The following HNRNPH3 variants were observed in gnomAD, a reference collection of about 807,000 sequenced individuals.
HNRNPH3 encodes heterogeneous nuclear ribonucleoprotein 2H9.
In HNRNPH3, 7 loss-of-function variants were observed where a neutral mutation model predicts 47.0. The ratio of observed to expected loss-of-function variants is 0.15; its 90% CI spans 0.08 to 0.28. HNRNPH3 has a LOEUF of 0.28. HNRNPH3 is among the 10% of genes least tolerant of loss of function. HNRNPH3 has a pLI of 1.00. For synonymous variants in HNRNPH3, 120 were observed against 143.2 expected, an observed-to-expected ratio of 0.84 and a Z score of 1.16; for missense variants, 279 against 449.6, an observed-to-expected ratio of 0.62 and a Z score of 3.43.
At position 68,341,813 on chromosome 10, in the gene HNRNPH3, G is replaced by GT; in HGVS notation, c.927dup (p.Gly310TrpfsTer7). 6.2e-7 allele frequency: 1 copy of GT among 1,611,470 alleles called. No homozygotes were observed. The highest frequency in any genetic ancestry group is 8.5e-7 in the Non-Finnish European group (1 of 1,178,788). ...AGAATGGGAATGGGGAACAATTACAGTGGAGGATATGGTACTCCTGATGGT... is the reference window on the plus strand; with the variant it reads ...AGAATGGGAATGGGGAACAATTACAGTTGGAGGATATGGTACTCCTGATGGT... On this transcript the variant is annotated frameshift_variant, in exon 9 of 10. Coordinates refer to ENST00000265866, the MANE Select transcript of HNRNPH3 (RefSeq NM_012207.3). LOFTEE classifies it high-confidence loss of function.
intron 3 of HNRNPH3, chr10:68,338,214 T>C (rs560022232): frequency 4.3e-6 from 2 of 465,374 alleles, no homozygotes; most frequent in East Asian, 6.3e-5. Context: ...TAGGATGTTG[T>C]TGATAAATGC....
chr10:68,341,521 T>C, intron 7 of HNRNPH3, 64 bp from the exon 8 acceptor site: 1 of 1,184,170 alleles, frequency 8.4e-7, no homozygotes, highest in Non-Finnish European at 1.2e-6. Context: ...TTTACAAAGC[T>C]TGTATTGATG....
chr10:68,341,239 A>T lies in HNRNPH3; in HGVS notation c.705A>T (p.Gly235=), dbSNP rs886860006. The T allele has an allele frequency of 2.5e-6, 4 of 1,604,916 alleles. No homozygotes were observed. Among genetic ancestry groups the T allele is most frequent in the Non-Finnish European group, 3.4e-6 (4 of 1,177,426 alleles). ...IDIGADGRAT[G]EADVEFVTHE... ...TTGGAGCTGATGGCAGAGCCACAGGAGAAGCAGATGTAGAGTTTGTGACAC... is the reference window on the plus strand; with the variant it reads ...TTGGAGCTGATGGCAGAGCCACAGGTGAAGCAGATGTAGAGTTTGTGACAC... Residue 235 remains glycine (G), a synonymous_variant, in exon 7 of 10, where the codon GGA becomes GGT. Transcript: ENST00000265866.
intron 1 of HNRNPH3, among the ~76,000 whole-genome samples, chr10:68,333,420 C>T (rs2045331539): frequency 6.7e-6 from 1 of 150,234 alleles, no homozygotes; most frequent in Admixed American, 6.7e-5. Flanking sequence ...ATTGAGCTTT[C>T]GATGTTAAAT....
chr10:68,333,378 A>G (rs550085895), intron 1 of HNRNPH3, among the ~76,000 whole-genome samples: 79 of 152,324 alleles, frequency 5.2e-4, no homozygotes, highest in Non-Finnish European at 6.9e-4. Context: ...CAGTTAAAAC[A>G]ACCCAGTGAT....
At position 68,341,266 on chromosome 10, in the gene HNRNPH3, T is replaced by C; in HGVS notation, c.732T>C (p.His244=). The C allele has an allele frequency of 4.4e-6, 7 of 1,606,690 alleles. No homozygotes were observed. Among genetic ancestry groups the C allele is most frequent in the Non-Finnish European group, 5.9e-6 (7 of 1,178,242 alleles). Reference sequence around the variant, plus strand: ...AAGCAGATGTAGAGTTTGTGACACATGAAGATGCAGTAGCTGCCATGTCTA... The same window carrying C: ...AAGCAGATGTAGAGTTTGTGACACACGAAGATGCAGTAGCTGCCATGTCTA... ...TGEADVEFVT[H]EDAVAAMSKD... is the part of the protein sequence containing the mutation. The change falls in exon 7 of 10, where the codon CAT becomes CAC. Residue 244 remains histidine (H), a synonymous_variant. Transcript: ENST00000265866.
upstream of HNRNPH3, chr10:68,331,784 T>TGCCATC (rs2045107199): frequency 6.6e-6 from 1 of 152,316 alleles, no homozygotes; most frequent in Non-Finnish European, 1.5e-5. Context: ...GAACTGCCAT[T>TGCCATC]GCCATCGCCC....
intron 6 of HNRNPH3, 160 bp from the exon 7 acceptor site, chr10:68,341,014 G>A: frequency 1.8e-6 from 1 of 557,266 alleles, no homozygotes; most frequent in Non-Finnish European, 3.1e-6. Context: ...ATCCCTAAGT[G>A]TATACTCTGA....
At chr10:68,340,080 G>A (rs910640055) in intron 6 of HNRNPH3, among the ~76,000 whole-genome samples, 3 of 151,948 alleles carry the variant, frequency 2.0e-5, no homozygotes, top group African/African-American at 4.8e-5. Context: ...TGTCGCCCAG[G>A]CTAGAGTGCA....
chr10:68,337,086 T>G lies in HNRNPH3; in HGVS notation c.-23-113T>G, dbSNP rs1375321597. The G allele has an allele frequency of 3.1e-5, 17 of 550,728 alleles. No individual in the cohort carries two copies. The highest frequency in any genetic ancestry group is 5.5e-5 in the Non-Finnish European group (17 of 307,550). The allele number at this position is 550,728 out of a possible 1,614,324, so 34.1% of individuals were successfully genotyped here. A position where few individuals can be genotyped will look rare whatever the true frequency, so the allele number is the denominator to read the frequency against. On this transcript the variant is annotated intron_variant, in intron 1 of 9. Transcript: ENST00000265866. The surrounding 1 kb of genome is among the most constrained non-coding windows in gnomAD (Gnocchi z 4.5). ...TTTTGTTGTGGCATTGTCACAGCAGTTGGCCCCATGTTACATTTCCTCTTG... is the reference window on the plus strand; with the variant it reads ...TTTTGTTGTGGCATTGTCACAGCAGGTGGCCCCATGTTACATTTCCTCTTG...
intron 1 of HNRNPH3, among the ~76,000 whole-genome samples, chr10:68,335,866 A>C (rs2045521389): frequency 6.6e-6 from 1 of 152,140 alleles, no homozygotes; most frequent in African/African-American, 2.4e-5. Flanking sequence ...CATAATATTT[A>C]TTTGTGTGCA....
intron 9 of HNRNPH3, 23 bp downstream of exon 9, chr10:68,341,874 G>T (rs751716461): frequency 6.3e-7 from 1 of 1,598,292 alleles, no homozygotes; most frequent in Non-Finnish European, 8.6e-7. Context: ...AGTTCAGTTT[G>T]TGTTAGTCCG....
chr10:68,336,210 A>T (rs1197507483), intron 1 of HNRNPH3, among the ~76,000 whole-genome samples: 1 of 152,144 alleles, frequency 6.6e-6, no homozygotes, highest in Non-Finnish European at 1.5e-5. Flanking sequence ...GGTTTGAAAT[A>T]CTCAGGTGAG....
chr10:68,333,850 A>G (rs752101136), intron 1 of HNRNPH3, among the ~76,000 whole-genome samples: 6 of 152,250 alleles, frequency 3.9e-5, no homozygotes, highest in Non-Finnish European at 7.3e-5. Context: ...AAGATTGCCA[A>G]GGAAAAGTTT....
chr10:68,341,830 C>G lies in HNRNPH3; in HGVS notation c.943C>G (p.Pro315Ala), dbSNP rs1426406238. ...CAATTACAGTGGAGGATATGGTACT[C>G]CTGATGGTTTGGGTGGTTATGGTAA... Reference protein sequence around the residue: ...GNNYSGGYGTPDGLGGYGRGG... With the variant: ...GNNYSGGYGTADGLGGYGRGG... Residue 315 changes from proline (P) to alanine (A), a missense_variant, in exon 9 of 10, where the codon CCT becomes GCT. This residue lies in a region of HNRNPH3 where 239 missense variants were observed against 335.8 expected (regional missense o/e 0.71). Transcript: ENST00000265866. 1 of 1,611,068 alleles carries G rather than the reference C, an allele frequency of 6.2e-7. No homozygotes were observed. The highest frequency in any genetic ancestry group is 2.2e-5 in the East Asian group (1 of 44,862).
chr10:68,332,128 T>C lies in HNRNPH3; in HGVS notation c.-112T>C, dbSNP rs1049049114. Reference sequence around the variant, plus strand: ...CTGGAGACGGTTGGGAGAACCGTTGTGGCGAGCGCTACACGAGGCAAACGA... The same window carrying C: ...CTGGAGACGGTTGGGAGAACCGTTGCGGCGAGCGCTACACGAGGCAAACGA... On this transcript the variant is annotated 5_prime_UTR_variant, in exon 1 of 10. Coordinates refer to ENST00000265866, the MANE Select transcript of HNRNPH3 (RefSeq NM_012207.3). 1 of 152,308 alleles carries C rather than the reference T, an allele frequency of 6.6e-6. No individual in the cohort carries two copies. The highest frequency in any genetic ancestry group is 1.5e-5 in the Non-Finnish European group (1 of 68,108). The allele number at this position is 152,308 out of a possible 1,614,324, so 9.4% of individuals were successfully genotyped here.
chr10:68,340,626 T>G (rs1198076079), intron 6 of HNRNPH3, among the ~76,000 whole-genome samples: 2 of 152,242 alleles, frequency 1.3e-5, no homozygotes, highest in Admixed American at 1.3e-4. Flanking sequence ...TAGATCTTAC[T>G]GGGAATCAGC....
chr10:68,342,041 G>A lies in HNRNPH3; in HGVS notation c.1028G>A (p.Arg343His), dbSNP rs758292932. Residue 343 changes from arginine to histidine, a missense_variant, in exon 10 of 10, where the codon CGT becomes CAT. Arg to His is a conservative substitution (Grantham distance 29). Coordinates refer to ENST00000265866, the MANE Select transcript of HNRNPH3 (RefSeq NM_012207.3). ...GGCGGCATGAGTGGAGGTGGATGGCGTGGGATGTACTGAAAGCAAAAACAC... is the reference window on the plus strand; with the variant it reads ...GGCGGCATGAGTGGAGGTGGATGGCATGGGATGTACTGAAAGCAAAAACAC... ...GQGGMSGGGWRGMY is the reference protein window; with the variant it reads ...GQGGMSGGGWHGMY 6.2e-7 allele frequency: 1 copy of A among 1,613,530 alleles called. No individual in the cohort carries two copies. Among genetic ancestry groups the A allele is most frequent in the South Asian group, 1.1e-5 (1 of 91,018 alleles).
At position 68,341,570 on chromosome 10, in the gene HNRNPH3, C is replaced by G. The variant is rs778103190; in HGVS notation, c.776-15C>G. The G allele has an allele frequency of 3.2e-6, 5 of 1,555,192 alleles. No individual in the cohort carries two copies. The highest frequency in any genetic ancestry group is 1.7e-4 in the Middle Eastern group (1 of 5,936). On this transcript the variant is annotated splice_polypyrimidine_tract_variant and intron_variant, in intron 7 of 9. Coordinates refer to ENST00000265866, the MANE Select transcript of HNRNPH3 (RefSeq NM_012207.3). ...ATTCCTTTCTCCCCTGTTACTCTTT[C>G]TTTTTTTCTTAAAGAACATCGATAT...
Sources: gnomAD v4.1 joint callset for allele counts (sites outside exome capture counted in the v4.1 genomes callset) on GRCh38, gnomAD v4.1.1 for gene constraint, gnomAD v4.1.1 regional missense constraint, Gnocchi (gnomAD v3.1) non-coding constraint, MANE v1.5 for transcripts, NCBI Gene and HGNC (gene_info 2026-07-23, HGNC 2026-07-21) for gene names.